The following BTBD7 variants were observed in gnomAD, a reference collection of about 807,000 sequenced individuals.
The protein encoded by BTBD7 is BTB/POZ domain-containing protein 7.
Under a neutral mutation model 99.9 loss-of-function variants are expected in BTBD7, and 38 were observed. The observed-to-expected ratio is 0.38, with a 90% confidence interval of 0.29 to 0.50. The LOEUF is 0.50. BTBD7 is among the 20% of genes least tolerant of loss of function. The probability of loss-of-function intolerance (pLI) is 0.93; values close to 1 mark genes in which losing one functional copy is unlikely to be tolerated. For synonymous variants in BTBD7, 520 were observed against 511.4 expected (o/e 1.02, Z -0.23); for missense variants, 1,170 against 1,394.6 (o/e 0.84, Z 2.57).
intron 1 of BTBD7, among the ~76,000 whole-genome samples, chr14:93,313,809 T>C (rs915635740): frequency 3.3e-5 from 5 of 152,052 alleles, no homozygotes; most frequent in African/African-American, 9.7e-5. Context: ...TCATAGCTCA[T>C]TGCAGCCTCC....
intron 5 of BTBD7, among the ~76,000 whole-genome samples, chr14:93,258,676 C>T (rs1385315695): frequency 1.3e-5 from 2 of 152,154 alleles, no homozygotes; most frequent in African/African-American, 4.8e-5. Flanking sequence ...CCTCCACCTC[C>T]TGGGTTCAAG....
intron 1 of BTBD7, among the ~76,000 whole-genome samples, chr14:93,321,483 C>T (rs1206500008): frequency 6.6e-6 from 1 of 152,182 alleles, no homozygotes; most frequent in Non-Finnish European, 1.5e-5. Flanking sequence ...ATCCCAGCTG[C>T]TCGGGAGGCT....
intron 1 of BTBD7, among the ~76,000 whole-genome samples, chr14:93,310,602 G>A (rs1202424116): frequency 4.6e-5 from 7 of 151,996 alleles, no homozygotes; most frequent in South Asian, 2.1e-4. Context: ...AAAATTGGCC[G>A]GGTGTGGTGG....
chr14:93,295,057 T>C, intron 2 of BTBD7, 120 bp from the exon 3 acceptor site: 3 of 990,646 alleles, frequency 3.0e-6, no homozygotes, highest in Non-Finnish European at 2.8e-6. Flanking sequence ...CAAAATTGCA[T>C]TTGTTTTTTA....
At chr14:93,248,407 G>A in intron 9 of BTBD7, 69 bp downstream of exon 9, 1 of 1,509,878 alleles carries the variant, frequency 6.6e-7, no homozygotes, top group Admixed American at 1.8e-5. Flanking sequence ...GACTCGTCAG[G>A]ATGCCCACAA....
chr14:93,297,322 T>C (rs2052941350), intron 1 of BTBD7, among the ~76,000 whole-genome samples: 1 of 152,228 alleles, frequency 6.6e-6, no homozygotes, highest in South Asian at 2.1e-4. Flanking sequence ...TATATTTATA[T>C]GAAAATTAAT....
rs528905827 is a variant in BTBD7, at chr14:93,325,785, G to A, written c.-107+7035C>T. Among the ~76,000 whole-genome samples, 710 of 152,198 alleles carry A rather than the reference G, an allele frequency of 4.7e-3. 5 individuals are homozygous for A. Among genetic ancestry groups the A allele is most frequent in the Non-Finnish European group, 7.4e-3 (504 of 68,012 alleles). Reference sequence around the variant, plus strand: ...TAAAAACCCCAACGATGCTCTAAAAGGGAACTATTTTGAATCCTGTAACTT... The same window carrying A: ...TAAAAACCCCAACGATGCTCTAAAAAGGAACTATTTTGAATCCTGTAACTT... On this transcript the variant is annotated intron_variant, in intron 1 of 10. Coordinates refer to ENST00000334746, the MANE Select transcript of BTBD7 (RefSeq NM_001002860.4).
At chr14:93,324,421 C>CAAAAAAAAATTAA (rs1555393944) in intron 1 of BTBD7, among the ~76,000 whole-genome samples, 2 of 89,928 alleles carry the variant, frequency 2.2e-5, no homozygotes, top group Non-Finnish European at 4.2e-5. Context: ...GACCCTGTCT[C>CAAAAAAAAATTAA]AAAAAAAAAA....
At chr14:93,303,793 C>T (rs982651098) in intron 1 of BTBD7, among the ~76,000 whole-genome samples, 3 of 152,168 alleles carry the variant, frequency 2.0e-5, no homozygotes, top group African/African-American at 7.2e-5. Flanking sequence ...CCTCTTGAAG[C>T]AACAGATGGA....
chr14:93,296,767 CA>C (rs371312779), intron 1 of BTBD7, among the ~76,000 whole-genome samples: 52 of 151,928 alleles, frequency 3.4e-4, no homozygotes, highest in Non-Finnish European at 5.9e-4. Flanking sequence ...GCAAGAGACA[CA>C]AAACAAAAAA....
intron 1 of BTBD7, among the ~76,000 whole-genome samples, chr14:93,298,103 T>C (rs1232687348): frequency 1.3e-5 from 2 of 152,182 alleles, no homozygotes; most frequent in South Asian, 2.1e-4. Flanking sequence ...TTTAGTAACA[T>C]AGCAGAGTAT....
At chr14:93,297,153 A>G (rs1455345798) in intron 1 of BTBD7, among the ~76,000 whole-genome samples, 2 of 152,216 alleles carry the variant, frequency 1.3e-5, no homozygotes, top group East Asian at 3.8e-4. Flanking sequence ...ATATAGTGAA[A>G]AACACGTACA....
chr14:93,254,533 T>C (rs973206071), intron 6 of BTBD7, among the ~76,000 whole-genome samples: 1 of 152,196 alleles, frequency 6.6e-6, no homozygotes, highest in African/African-American at 2.4e-5. Context: ...ACACAGGCTC[T>C]GGGGCAAGGC....
intron 3 of BTBD7, among the ~76,000 whole-genome samples, chr14:93,277,775 C>G (rs1035387370): frequency 6.6e-6 from 1 of 152,126 alleles, no homozygotes; most frequent in Non-Finnish European, 1.5e-5. Context: ...AAAGCAAGCA[C>G]AGGATTTGCG....
intron 9 of BTBD7, among the ~76,000 whole-genome samples, chr14:93,247,364 T>C (rs920220719): frequency 7.3e-6 from 1 of 136,904 alleles, no homozygotes; most frequent in East Asian, 2.2e-4. Context: ...TTGTTTGTTT[T>C]TGAGACGGAG....
intron 1 of BTBD7, among the ~76,000 whole-genome samples, chr14:93,300,772 G>GTA (rs1192199666): frequency 0.022 from 1,461 of 67,712 alleles, 159 homozygotes; most frequent in South Asian, 0.04. Flanking sequence ...GTGTGTGTGT[G>GTA]TATATATATA....
intron 3 of BTBD7, among the ~76,000 whole-genome samples, chr14:93,267,499 C>T (rs572687590): frequency 2.6e-5 from 4 of 152,348 alleles, no homozygotes; most frequent in Non-Finnish European, 5.9e-5. Flanking sequence ...ATATCCAGCT[C>T]TTTTCACTGC....
At chr14:93,323,914 T>C (rs2053297944) in intron 1 of BTBD7, among the ~76,000 whole-genome samples, 1 of 152,230 alleles carries the variant, frequency 6.6e-6, no homozygotes, top group South Asian at 2.1e-4. Context: ...TACCTATTAC[T>C]TGTTGTGTGA....
intron 1 of BTBD7, among the ~76,000 whole-genome samples, chr14:93,322,661 A>C (rs1279876505): frequency 6.6e-6 from 1 of 152,246 alleles, no homozygotes; most frequent in East Asian, 1.9e-4. Flanking sequence ...ACTAAAGCAC[A>C]GAAAAGTTAA....
Sources: allele counts gnomAD v4.1 joint callset (sites outside exome capture counted in the v4.1 genomes callset), GRCh38; gene constraint gnomAD v4.1.1; transcripts MANE v1.5; gene names NCBI Gene and HGNC (gene_info 2026-07-23, HGNC 2026-07-21).